The following SLC25A21 variants were observed in gnomAD, a reference collection of about 807,000 sequenced individuals.
The protein encoded by SLC25A21 is solute carrier family 25 member 21.
A neutral mutation model predicts 43.8 loss-of-function variants in SLC25A21; 47 were observed. The observed-to-expected ratio is 1.07, with a 90% CI of 0.85 to 1.37. SLC25A21 has a LOEUF of 1.37. SLC25A21 is among the 40% of genes most tolerant of loss of function. The pLI, the probability that SLC25A21 is intolerant of heterozygous loss-of-function variation, is 0.00. For missense variants in SLC25A21, 352 were observed against 350.2 expected (o/e 1.00, Z -0.04); for synonymous variants, 131 against 121.3 (o/e 1.08, Z -0.52).
intron 4 of SLC25A21, among the ~76,000 whole-genome samples, chr14:36,732,651 C>T (rs1231732931): frequency 6.6e-6 from 1 of 152,136 alleles, no homozygotes; most frequent in African/African-American, 2.4e-5. Flanking sequence ...TACACACACA[C>T]ACCCCGCCCC....
At chr14:37,090,354 C>T (rs750330562) in intron 1 of SLC25A21, among the ~76,000 whole-genome samples, 4 of 152,210 alleles carry the variant, frequency 2.6e-5, no homozygotes, top group African/African-American at 4.8e-5. Flanking sequence ...ATGCAAGCAG[C>T]GCCCTGGATG....
chr14:36,712,706 A>G (rs1883937304), intron 6 of SLC25A21, among the ~76,000 whole-genome samples: 1 of 152,232 alleles, frequency 6.6e-6, no homozygotes, highest in South Asian at 2.1e-4. Flanking sequence ...AATTACAATA[A>G]GCTTAAGAAA....
intron 6 of SLC25A21, chr14:36,725,208 T>C (rs1220171300): frequency 6.5e-6 from 1 of 153,072 alleles, no homozygotes; most frequent in African/African-American, 2.4e-5. Context: ...GCGTGGTGGC[T>C]CACGCCTGCA....
intron 2 of SLC25A21, among the ~76,000 whole-genome samples, chr14:36,821,882 G>A (rs753197852): frequency 2.0e-5 from 3 of 152,004 alleles, no homozygotes; most frequent in South Asian, 2.1e-4. Context: ...TAATAACTAC[G>A]TAACATTGCC....
intron 1 of SLC25A21, among the ~76,000 whole-genome samples, chr14:36,986,281 TTC>T (rs1960143691): frequency 6.6e-6 from 1 of 152,120 alleles, no homozygotes; most frequent in African/African-American, 2.4e-5. Context: ...CAACACCACA[TTC>T]TGTCTTCTTC....
intron 3 of SLC25A21, among the ~76,000 whole-genome samples, chr14:36,737,084 G>A (rs1375621590): frequency 6.6e-5 from 10 of 152,252 alleles, no homozygotes; most frequent in South Asian, 4.2e-4. Flanking sequence ...TGGCCCTCAA[G>A]GCTGATCTGT....
intron 7 of SLC25A21, among the ~76,000 whole-genome samples, chr14:36,699,356 C>T (rs559536376): frequency 1.3e-5 from 2 of 152,162 alleles, no homozygotes; most frequent in Non-Finnish European, 2.9e-5. Flanking sequence ...TATGAGGGGT[C>T]TGTGGGTCCC....
chr14:36,975,327 C>A (rs952222661), intron 1 of SLC25A21, among the ~76,000 whole-genome samples: 3 of 152,232 alleles, frequency 2.0e-5, no homozygotes, highest in South Asian at 2.1e-4. Context: ...CACTAAAGAA[C>A]TTACTCATAT....
intron 1 of SLC25A21, among the ~76,000 whole-genome samples, chr14:36,970,825 C>T (rs550378458): frequency 6.6e-6 from 1 of 152,264 alleles, no homozygotes; most frequent in East Asian, 1.9e-4. Flanking sequence ...TCCTGAACTA[C>T]AAGTAAATGT....
intron 1 of SLC25A21, among the ~76,000 whole-genome samples, chr14:36,978,307 T>C (rs1959929316): frequency 6.6e-6 from 1 of 152,226 alleles, no homozygotes; most frequent in South Asian, 2.1e-4. Context: ...CACAAATTTG[T>C]TGGTTTCCCA....
At chr14:36,924,354 T>G (rs984353335) in intron 1 of SLC25A21, among the ~76,000 whole-genome samples, 30 of 152,052 alleles carry the variant, frequency 2.0e-4, no homozygotes, top group Non-Finnish European at 3.4e-4. Flanking sequence ...CCATAAAAAA[T>G]GATGAGTTCA....
At chr14:37,033,621 T>C (rs906547166) in intron 1 of SLC25A21, among the ~76,000 whole-genome samples, 1 of 152,204 alleles carries the variant, frequency 6.6e-6, no homozygotes, top group East Asian at 1.9e-4. Flanking sequence ...TTGTTATTTA[T>C]CTACTTTTGT....
intron 1 of SLC25A21, among the ~76,000 whole-genome samples, chr14:37,025,688 C>T (rs1961078022): frequency 6.6e-6 from 1 of 152,106 alleles, no homozygotes; most frequent in African/African-American, 2.4e-5. Flanking sequence ...TGACTTCCTA[C>T]TCACTCGTGT....
intron 2 of SLC25A21, among the ~76,000 whole-genome samples, chr14:36,863,369 C>A (rs1320881235): frequency 1.3e-5 from 2 of 151,414 alleles, no homozygotes; most frequent in Non-Finnish European, 2.9e-5. Context: ...CTACTATACT[C>A]TATACAAACA....
chr14:37,018,098 T>C (rs1960903047), intron 1 of SLC25A21, among the ~76,000 whole-genome samples: 1 of 152,006 alleles, frequency 6.6e-6, no homozygotes. Flanking sequence ...AGTAAATCTG[T>C]ATCACAAATA....
At chr14:37,009,972 T>A (rs1960694882) in intron 1 of SLC25A21, among the ~76,000 whole-genome samples, 1 of 152,226 alleles carries the variant, frequency 6.6e-6, no homozygotes, top group African/African-American at 2.4e-5. Flanking sequence ...AGGTGGCATA[T>A]GCAAGTGTGT....
At chr14:36,835,420 T>C (rs1233817194) in intron 2 of SLC25A21, among the ~76,000 whole-genome samples, 2 of 152,154 alleles carry the variant, frequency 1.3e-5, no homozygotes, top group Non-Finnish European at 2.9e-5. Flanking sequence ...CATGAATGGC[T>C]ATTAAACTTG....
intron 1 of SLC25A21, among the ~76,000 whole-genome samples, chr14:36,931,042 G>A (rs958222128): frequency 5.9e-5 from 9 of 151,994 alleles, no homozygotes; most frequent in Admixed American, 2.6e-4. Context: ...TCTCCTCTGG[G>A]CTCCCACAGA....
At chr14:36,854,948 T>G (rs1418559225) in intron 2 of SLC25A21, among the ~76,000 whole-genome samples, 1 of 150,912 alleles carries the variant, frequency 6.6e-6, no homozygotes, top group African/African-American at 2.4e-5. Context: ...GGGGGTATTC[T>G]GCCATCCTTG....
Sources: allele counts gnomAD v4.1 joint callset (sites outside exome capture counted in the v4.1 genomes callset), GRCh38; gene constraint gnomAD v4.1.1; transcripts MANE v1.5; gene names NCBI Gene and HGNC (gene_info 2026-07-23, HGNC 2026-07-21).